CMKLR1: variants seen among roughly 807,000 people sequenced by gnomAD.
The protein encoded by CMKLR1 is chemerin chemokine-like receptor 1.
Under a neutral mutation model 8.2 loss-of-function variants are expected in CMKLR1, and 6 were observed. That is an observed-to-expected ratio of 0.73 (90% CI 0.40 to 1.44). The LOEUF (loss-of-function observed/expected upper bound fraction) is 1.44. Ranked by LOEUF, CMKLR1 falls within the 40% of genes most tolerant of loss-of-function variation. The probability of loss-of-function intolerance (pLI) is 0.02; values close to 1 mark genes in which losing one functional copy is unlikely to be tolerated. For missense variants in CMKLR1, 429 were observed against 478.0 expected (o/e 0.90, Z 0.96); for synonymous variants, 178 against 181.2 (o/e 0.98, Z 0.14).
Position 108,290,067 on chromosome 12 carries a change from C to T in CMKLR1, c.*1774G>A, listed in dbSNP as rs542189499. 1.4e-4 allele frequency: 22 copies of T among 152,370 alleles called. No homozygotes were observed. The highest frequency in any genetic ancestry group is 5.3e-4 in the African/African-American group (22 of 41,590). The allele number at this position is 152,370 out of a possible 1,614,324, so 9.4% of individuals were successfully genotyped here. A position where few individuals can be genotyped will look rare whatever the true frequency, so the allele number is the denominator to read the frequency against. ...CTCTGGAGACATAGGAGGTGGGAGCCACGGTAGGAGGCTGTTAATGGCTGT... is the reference window on the plus strand; with the variant it reads ...CTCTGGAGACATAGGAGGTGGGAGCTACGGTAGGAGGCTGTTAATGGCTGT... On this transcript the variant is annotated 3_prime_UTR_variant, in exon 4 of 4. Transcript: ENST00000550402.
intron 2 of CMKLR1, among the ~76,000 whole-genome samples, chr12:108,325,405 C>A (rs1224124583): frequency 6.6e-6 from 1 of 152,194 alleles, no homozygotes; most frequent in Non-Finnish European, 1.5e-5. Context: ...AGGCTGTACA[C>A]TCACTAAGCG....
At chr12:108,314,671 T>C (rs1390238631) in intron 2 of CMKLR1, among the ~76,000 whole-genome samples, 1 of 152,240 alleles carries the variant, frequency 6.6e-6, no homozygotes, top group Admixed American at 6.5e-5. Flanking sequence ...TTCTCCCTGA[T>C]GTTTTTTCAG....
intron 2 of CMKLR1, among the ~76,000 whole-genome samples, chr12:108,314,941 T>G (rs895938462): frequency 1.3e-5 from 2 of 149,628 alleles, no homozygotes; most frequent in Admixed American, 6.6e-5. Flanking sequence ...CTTGTTTTTT[T>G]TTTTTTTTTT....
At chr12:108,331,232 C>G (rs758546010) in intron 1 of CMKLR1, among the ~76,000 whole-genome samples, 97 of 152,306 alleles carry the variant, frequency 6.4e-4, no homozygotes, top group Admixed American at 1.6e-3. Context: ...AACTACTACC[C>G]TATGTACAAC....
intron 2 of CMKLR1, among the ~76,000 whole-genome samples, chr12:108,320,297 G>A: frequency 6.6e-6 from 1 of 151,914 alleles, no homozygotes; most frequent in Non-Finnish European, 1.5e-5. Flanking sequence ...GGACCCCAGT[G>A]TCTCTAAAAT....
chr12:108,316,776 T>A (rs1188539838), intron 2 of CMKLR1, among the ~76,000 whole-genome samples: 2 of 152,182 alleles, frequency 1.3e-5, no homozygotes, highest in East Asian at 3.9e-4. Context: ...ACGGGCAAGG[T>A]GTCAACCCCA....
At chr12:108,312,837 A>G (rs1180125201) in intron 2 of CMKLR1, among the ~76,000 whole-genome samples, 1 of 151,982 alleles carries the variant, frequency 6.6e-6, no homozygotes, top group East Asian at 1.9e-4. Context: ...TACCTCACTG[A>G]CTTGGGGTAC....
At chr12:108,325,137 T>G (rs892492403) in intron 2 of CMKLR1, among the ~76,000 whole-genome samples, 12 of 151,974 alleles carry the variant, frequency 7.9e-5, no homozygotes, top group Non-Finnish European at 1.6e-4. Flanking sequence ...AGGACAGGGA[T>G]CAGGCAGCCT....
intron 2 of CMKLR1, among the ~76,000 whole-genome samples, chr12:108,296,044 C>CCT (rs1236306204): frequency 6.6e-6 from 1 of 152,132 alleles, no homozygotes; most frequent in Admixed American, 6.5e-5. Flanking sequence ...CCCCAAGACG[C>CCT]CTCTCTCTCT....
rs565799624 is a variant in CMKLR1 at position 108,313,682 on chromosome 12, A to G, written c.-74+16313T>C. On this transcript the variant is annotated intron_variant, in intron 2 of 3. Coordinates refer to ENST00000550402, the MANE Select transcript of CMKLR1 (RefSeq NM_001142343.2). ...CCAATCAGGGCCCGCTGGTCACTCTATGAACATGAAGAGACTGGCTCAAAC... is the reference window on the plus strand; with the variant it reads ...CCAATCAGGGCCCGCTGGTCACTCTGTGAACATGAAGAGACTGGCTCAAAC... Among the ~76,000 whole-genome samples the G allele has an allele frequency of 5.9e-5, 9 of 152,368 alleles. No homozygotes were observed. The South Asian group carries it at 8.3e-4, about 14-fold the overall frequency.
At chr12:108,315,250 G>A (rs147529271) in intron 2 of CMKLR1, among the ~76,000 whole-genome samples, 196 of 152,254 alleles carry the variant, frequency 1.3e-3, no homozygotes, top group African/African-American at 4.6e-3. Flanking sequence ...CACACCAGCT[G>A]GGGGTGGGCC....
At chr12:108,309,610 G>A (rs1367302555) in intron 2 of CMKLR1, among the ~76,000 whole-genome samples, 1 of 152,150 alleles carries the variant, frequency 6.6e-6, no homozygotes, top group East Asian at 1.9e-4. Context: ...GAGTAAGATG[G>A]CCCAGTCACT....
chr12:108,314,906 T>G (rs908049642), intron 2 of CMKLR1, among the ~76,000 whole-genome samples: 1 of 151,436 alleles, frequency 6.6e-6, no homozygotes, highest in Non-Finnish European at 1.5e-5. Flanking sequence ...GACATCATTC[T>G]CTATGGCCCA....
chr12:108,312,323 C>T (rs953897360), intron 2 of CMKLR1, among the ~76,000 whole-genome samples: 1 of 152,180 alleles, frequency 6.6e-6, no homozygotes, highest in African/African-American at 2.4e-5. Flanking sequence ...GCTGACAGGC[C>T]CCTTTCATCA....
intron 2 of CMKLR1, among the ~76,000 whole-genome samples, chr12:108,329,308 C>T (rs1368250536): frequency 1.3e-5 from 2 of 152,194 alleles, no homozygotes; most frequent in Non-Finnish European, 2.9e-5. Context: ...GCCCACCACG[C>T]CAGACTCCCT....
At position 108,292,953 on chromosome 12, in the gene CMKLR1, C is replaced by T; in HGVS notation, c.10G>A (p.Glu4Lys). 7 of 1,605,084 alleles carry T rather than the reference C, an allele frequency of 4.4e-6. No homozygotes were observed. Among genetic ancestry groups the T allele is most frequent in the Non-Finnish European group, 6.0e-6 (7 of 1,174,242 alleles). MRM[E>K]DEDYNTSISY... ...ATGGAAGTGTTGTAATCTTCATCCT[C>T]CATTCTCTGCAAGAGAAGACAGGGA... Residue 4 changes from glutamate to lysine, a missense_variant, in exon 4 of 4, where the codon GAG becomes AAG. Glu to Lys is a moderately conservative substitution (Grantham distance 56, BLOSUM62 1). Transcript: ENST00000550402.
intron 1 of CMKLR1, among the ~76,000 whole-genome samples, chr12:108,337,752 C>T (rs1050865444): frequency 6.6e-6 from 1 of 152,148 alleles, no homozygotes; most frequent in African/African-American, 2.4e-5. Flanking sequence ...CTCCTGTGGA[C>T]CTCCCAAGTG....
At chr12:108,313,822 G>A (rs780531303) in intron 2 of CMKLR1, among the ~76,000 whole-genome samples, 1 of 152,218 alleles carries the variant, frequency 6.6e-6, no homozygotes, top group African/African-American at 2.4e-5. Context: ...TCATTGGAAA[G>A]CTCTTCCTTT....
intron 1 of CMKLR1, among the ~76,000 whole-genome samples, chr12:108,333,001 G>A (rs1892143830): frequency 6.6e-6 from 1 of 152,054 alleles, no homozygotes; most frequent in African/African-American, 2.4e-5. Context: ...ATCAATAGGT[G>A]TCAAACCCAG....
Sources: allele counts gnomAD v4.1 joint callset (sites outside exome capture counted in the v4.1 genomes callset), GRCh38; gene constraint gnomAD v4.1.1; transcripts MANE v1.5; gene names NCBI Gene and HGNC (gene_info 2026-07-23, HGNC 2026-07-21).